The following BNC2 variants were observed in gnomAD, a reference collection of about 807,000 sequenced individuals.
BNC2 encodes the protein basonuclin zinc finger protein 2.
A neutral mutation model predicts 76.3 loss-of-function variants in BNC2; 20 were observed. The observed-to-expected ratio is 0.26, with a 90% CI of 0.18 to 0.38. The LOEUF (loss-of-function observed/expected upper bound fraction) is 0.38, where lower values mean the gene tolerates loss of function less well. Ranked by LOEUF, BNC2 falls within the 10% of genes least tolerant of loss-of-function variation. BNC2 has a pLI of 1.00. For missense variants in BNC2, 1,382 were observed against 1,399.8 expected (o/e 0.99, Z 0.20); for synonymous variants, 582 against 514.8 (o/e 1.13, Z -1.77).
chr9:16,692,996 G>A (rs928986509), intron 3 of BNC2, among the ~76,000 whole-genome samples: 1 of 119,160 alleles, frequency 8.4e-6, no homozygotes, highest in Non-Finnish European at 2.1e-5. Flanking sequence ...TGGGCATGGT[G>A]GCGGGCACCT....
Position 16,436,398 on chromosome 9 carries a change from C to T in BNC2, c.1796G>A (p.Gly599Asp). 1 of 1,613,998 alleles carries T rather than the reference C, an allele frequency of 6.2e-7. No homozygotes were observed. The highest frequency in any genetic ancestry group is 8.5e-7 in the Non-Finnish European group (1 of 1,180,006). Residue 599 changes from glycine (G) to aspartate (D), a missense_variant, in exon 6 of 7, where the codon GGT (glycine) becomes GAT (aspartate). Gly to Asp is a moderately conservative substitution (Grantham distance 94). This residue lies in a region of BNC2 where 798 missense variants were observed against 775.5 expected (regional missense o/e 1.03). Coordinates refer to ENST00000380672, the MANE Select transcript of BNC2 (RefSeq NM_017637.6). ...LPTSPIIPTSGTIEQHPPPPS... is the reference protein window; with the variant it reads ...LPTSPIIPTSDTIEQHPPPPS... ...TGGCGGGGGGTGCTGCTCTATGGTA[C>T]CACTGGTTGGAATGATGGGACTGGT... is the stretch of plus-strand genomic sequence containing the variant.
At chr9:16,850,012 C>T (rs930114864) in intron 1 of BNC2, among the ~76,000 whole-genome samples, 4 of 152,170 alleles carry the variant, frequency 2.6e-5, no homozygotes, top group African/African-American at 9.7e-5. Context: ...GCCCCCCACA[C>T]ACAGATTTGC....
intron 5 of BNC2, among the ~76,000 whole-genome samples, chr9:16,484,776 A>G (rs1822126567): frequency 6.6e-6 from 1 of 152,192 alleles, no homozygotes. Flanking sequence ...CTCATTGTTT[A>G]AAACAGACAT....
intron 5 of BNC2, among the ~76,000 whole-genome samples, chr9:16,483,625 T>C (rs1171815721): frequency 1.3e-5 from 2 of 152,226 alleles, no homozygotes; most frequent in Non-Finnish European, 1.5e-5. Context: ...GCTAATTCTA[T>C]TGCTATTGCA....
chr9:16,800,559 CTT>C lies in BNC2; in HGVS notation c.4-62076_4-62075del, dbSNP rs540689632. Among the ~76,000 whole-genome samples the C allele has an allele frequency of 6.6e-3, 987 of 149,456 alleles. 3 individuals are homozygous for C. The highest frequency in any genetic ancestry group is 0.011 in the Non-Finnish European group (718 of 67,186). On this transcript the variant is annotated intron_variant, in intron 1 of 6. Transcript: ENST00000380672. Reference sequence around the variant, plus strand: ...TGTAATGCGAAGAGGCACTGGAACTCTTTTTTTTTTCTGGCAATTTCATTGAT... The same window carrying C: ...TGTAATGCGAAGAGGCACTGGAACTCTTTTTTTTCTGGCAATTTCATTGAT...
intron 5 of BNC2, among the ~76,000 whole-genome samples, chr9:16,533,530 T>C (rs1217142058): frequency 6.6e-6 from 1 of 152,178 alleles, no homozygotes; most frequent in African/African-American, 2.4e-5. Flanking sequence ...AGGGATAAGT[T>C]ACTTTTGGTT....
chr9:16,461,140 C>T (rs943655560), intron 5 of BNC2, among the ~76,000 whole-genome samples: 8 of 152,094 alleles, frequency 5.3e-5, no homozygotes, highest in African/African-American at 1.9e-4. Context: ...GGATAAGATT[C>T]TTTATCATAA....
chr9:16,470,886 C>T (rs1221179467), intron 5 of BNC2, among the ~76,000 whole-genome samples: 1 of 152,196 alleles, frequency 6.6e-6, no homozygotes, highest in Non-Finnish European at 1.5e-5. Flanking sequence ...ACACAGAGTC[C>T]CTGCTAGGGC....
At chr9:16,420,303 C>T (rs1820683969) in intron 6 of BNC2, among the ~76,000 whole-genome samples, 2 of 152,002 alleles carry the variant, frequency 1.3e-5, no homozygotes, top group Admixed American at 6.5e-5. Context: ...AACACGAATG[C>T]CTTTTCTCAG....
chr9:16,451,135 G>A (rs1315025514), intron 5 of BNC2, among the ~76,000 whole-genome samples: 2 of 152,096 alleles, frequency 1.3e-5, no homozygotes, highest in Non-Finnish European at 1.5e-5. Context: ...GCAGCCTGGG[G>A]AAAATAATGT....
chr9:16,679,195 G>A (rs1045211427), intron 3 of BNC2, among the ~76,000 whole-genome samples: 12 of 152,022 alleles, frequency 7.9e-5, no homozygotes, highest in African/African-American at 2.4e-4. Context: ...TTTACCTGGT[G>A]GCTTGCTTCT....
chr9:16,765,570 G>A (rs1563932829), intron 1 of BNC2, among the ~76,000 whole-genome samples: 1 of 152,106 alleles, frequency 6.6e-6, no homozygotes. Context: ...GTAATGAAAT[G>A]CACAGAGTCA....
At chr9:16,429,910 T>C (rs757757784) in intron 6 of BNC2, 6 of 509,920 alleles carry the variant, frequency 1.2e-5, no homozygotes, top group Non-Finnish European at 2.0e-5. Context: ...CAGGAGGTCA[T>C]TAGGAAGATC....
intron 1 of BNC2, among the ~76,000 whole-genome samples, chr9:16,811,314 G>A (rs1191207967): frequency 1.3e-5 from 2 of 151,016 alleles, no homozygotes; most frequent in East Asian, 3.9e-4. Flanking sequence ...ACTTTGGGAG[G>A]CCAACGCGGG....
intron 1 of BNC2, among the ~76,000 whole-genome samples, chr9:16,760,013 G>A (rs770290314): frequency 5.9e-5 from 9 of 152,110 alleles, no homozygotes; most frequent in South Asian, 2.1e-4. Context: ...GTGAGCCACC[G>A]CGCGGGGCCA....
At chr9:16,663,130 C>CATTTTTTTTTTTTT (rs1822160788) in intron 3 of BNC2, among the ~76,000 whole-genome samples, 1 of 99,618 alleles carries the variant, frequency 1.0e-5, no homozygotes, top group Non-Finnish European at 2.1e-5. Context: ...TCTGTTTACT[C>CATTTTTTTTTTTTT]TTTTTTTTTT....
intron 3 of BNC2, among the ~76,000 whole-genome samples, chr9:16,635,365 T>C (rs1257967041): frequency 6.6e-6 from 1 of 152,238 alleles, no homozygotes; most frequent in Non-Finnish European, 1.5e-5. Context: ...ATTTACTTTA[T>C]AATTTTATGT....
chr9:16,860,776 C>T (rs1347268534), intron 1 of BNC2, among the ~76,000 whole-genome samples: 2 of 152,206 alleles, frequency 1.3e-5, no homozygotes, highest in African/African-American at 2.4e-5. Context: ...GGCGTGGTGG[C>T]TCATGCCAGT....
chr9:16,795,924 C>A (rs1817634712), intron 1 of BNC2, among the ~76,000 whole-genome samples: 1 of 152,192 alleles, frequency 6.6e-6, no homozygotes, highest in African/African-American at 2.4e-5. Context: ...ATTTACTAAG[C>A]ACCTCCAAGA....
Sources: gnomAD v4.1 joint callset for allele counts (sites outside exome capture counted in the v4.1 genomes callset) on GRCh38, gnomAD v4.1.1 for gene constraint, gnomAD v4.1.1 regional missense constraint, MANE v1.5 for transcripts, NCBI Gene and HGNC (gene_info 2026-07-23, HGNC 2026-07-21) for gene names.